MDGA2: variants seen among roughly 807,000 people sequenced by gnomAD.
MDGA2 encodes MAM domain-containing glycosylphosphatidylinositol anchor protein 2.
In MDGA2, 40 loss-of-function variants were observed where a neutral mutation model predicts 117.8. The observed-to-expected ratio is 0.34, with a 90% CI of 0.26 to 0.44. The LOEUF (loss-of-function observed/expected upper bound fraction) is 0.44. Among genes scored for constraint, MDGA2 ranks in the 20% least tolerant of loss-of-function variants. The pLI, the probability that MDGA2 is intolerant of heterozygous loss-of-function variation, is 1.00. For missense variants in MDGA2, 1,123 were observed against 1,250.6 expected (o/e 0.90, Z 1.54); for synonymous variants, 452 against 439.0 (o/e 1.03, Z -0.37).
rs145926281 is a variant in MDGA2 at position 47,451,663 on chromosome 14, T to C, written c.281-150113A>G. ...TAGTCACAAGATTTCTCTGTGCATC[T>C]TTGTTAACTACATAGGGATAACAGT... On this transcript the variant is annotated intron_variant, in intron 1 of 16. Transcript: ENST00000399232. Among the ~76,000 whole-genome samples the C allele has an allele frequency of 1.9e-3, 290 of 152,242 alleles. 10 individuals carry two copies. In the East Asian group the frequency reaches 0.047, roughly 25 times the overall value.
intron 8 of MDGA2, among the ~76,000 whole-genome samples, chr14:46,958,473 A>AT (rs1291084153): frequency 2.0e-5 from 3 of 152,256 alleles, no homozygotes; most frequent in Admixed American, 6.5e-5. Flanking sequence ...TGATCAAATA[A>AT]TTTTTTTCTT....
At chr14:47,087,770 G>A (rs1890957854) in intron 6 of MDGA2, among the ~76,000 whole-genome samples, 1 of 143,182 alleles carries the variant, frequency 7.0e-6, no homozygotes, top group Non-Finnish European at 1.5e-5. Context: ...AGTATTCATT[G>A]TCTTGGCACT....
intron 2 of MDGA2, among the ~76,000 whole-genome samples, chr14:47,283,329 A>C (rs1888564689): frequency 6.6e-6 from 1 of 152,206 alleles, no homozygotes; most frequent in African/African-American, 2.4e-5. Flanking sequence ...AAGGGATAGC[A>C]TGAATACTGG....
chr14:47,609,332 T>C lies in MDGA2; in HGVS notation c.280+65185A>G, dbSNP rs1475941880. Among the ~76,000 whole-genome samples the C allele has an allele frequency of 2.0e-5, 3 of 148,236 alleles. No individual in the cohort carries two copies. In the South Asian group the frequency reaches 6.5e-4, roughly 32 times the overall value. ...CATACAATGTTTGGTTTTCCATTCCTGAGTTACTTCACATAGAATAATAGT... is the reference window on the plus strand; with the variant it reads ...CATACAATGTTTGGTTTTCCATTCCCGAGTTACTTCACATAGAATAATAGT... On this transcript the variant is annotated intron_variant, in intron 1 of 16. Transcript: ENST00000399232.
chr14:47,487,463 A>T (rs1894084355), intron 1 of MDGA2, among the ~76,000 whole-genome samples: 1 of 152,248 alleles, frequency 6.6e-6, no homozygotes, highest in Non-Finnish European at 1.5e-5. Flanking sequence ...GTATGAGTTG[A>T]ATGAAATAAA....
At chr14:47,353,911 T>C (rs984478730) in intron 1 of MDGA2, among the ~76,000 whole-genome samples, 2 of 152,142 alleles carry the variant, frequency 1.3e-5, no homozygotes, top group East Asian at 3.9e-4. Context: ...CTCAACAGAA[T>C]ACTAGCAAAT....
rs1342365164 is a variant in MDGA2, at chr14:47,054,268, T to C, written c.1525+6981A>G. On this transcript the variant is annotated intron_variant, in intron 7 of 16. Transcript: ENST00000399232. ...TGGTGGAGAGATAAGAAATCTAACA[T>C]GCAAAGAGGTTAACTGACTTCTCAG... Among the ~76,000 whole-genome samples, 3 of 151,988 alleles carry C rather than the reference T, an allele frequency of 2.0e-5. No individual in the cohort carries two copies. In the Admixed American group the frequency reaches 2.0e-4, roughly 10 times the overall value.
chr14:47,152,093 A>T (rs1196112764), intron 3 of MDGA2, among the ~76,000 whole-genome samples: 1 of 152,180 alleles, frequency 6.6e-6, no homozygotes, highest in Non-Finnish European at 1.5e-5. Context: ...GATTAAAGTC[A>T]GTTTAAGAAA....
chr14:47,301,203 A>G (rs988032394), intron 2 of MDGA2, among the ~76,000 whole-genome samples: 3 of 151,846 alleles, frequency 2.0e-5, no homozygotes, highest in African/African-American at 7.3e-5. Flanking sequence ...ACAAAAGAAT[A>G]GCTCAAGTTT....
Position 46,986,012 on chromosome 14 carries a change from A to AT in MDGA2, c.1820-28370dup, listed in dbSNP as rs11419292. Among the ~76,000 whole-genome samples the AT allele has an allele frequency of 7.1e-3, 1,076 of 152,178 alleles. 11 individuals are homozygous for AT. The highest frequency in any genetic ancestry group is 0.024 in the African/African-American group (983 of 41,554). ...GAATGTGATTCAGCAAGAGGCAAAC[A>AT]TAAGGAGTGTTATCTTTGCCTACCA... is the stretch of plus-strand genomic sequence containing the variant. On this transcript the variant is annotated intron_variant, in intron 8 of 16. Transcript: ENST00000399232.
chr14:47,394,744 CAAATT>C (rs1199622129), intron 1 of MDGA2, among the ~76,000 whole-genome samples: 1 of 152,028 alleles, frequency 6.6e-6, no homozygotes, highest in African/African-American at 2.4e-5. Context: ...CATAAAGTGT[CAAATT>C]AAAACAAAAA....
intron 9 of MDGA2, among the ~76,000 whole-genome samples, chr14:46,946,113 A>G (rs1160412113): frequency 1.3e-5 from 2 of 152,072 alleles, no homozygotes; most frequent in Non-Finnish European, 2.9e-5. Flanking sequence ...ACTCTAAATG[A>G]TGTTTTAATT....
At chr14:47,393,500 T>C (rs1459997216) in intron 1 of MDGA2, among the ~76,000 whole-genome samples, 1 of 152,138 alleles carries the variant, frequency 6.6e-6, no homozygotes, top group African/African-American at 2.4e-5. Flanking sequence ...TTCTTTTAAA[T>C]TGTGGGTATA....
rs148967551 is a variant in MDGA2, at chr14:47,159,531, C to T, written c.596-15257G>A. ...GAACCTGGTTTGTAACTAGTTGTAT[C>T]GAATTTTGCCTGATTGCTTTCCAAA... On this transcript the variant is annotated intron_variant, in intron 3 of 16. Transcript: ENST00000399232. Among the ~76,000 whole-genome samples, 702 of 152,226 alleles carry T rather than the reference C, an allele frequency of 4.6e-3. 5 individuals carry two copies. The highest frequency in any genetic ancestry group is 0.016 in the African/African-American group (674 of 41,524).
intron 3 of MDGA2, among the ~76,000 whole-genome samples, chr14:47,190,961 C>G (rs1885086686): frequency 6.6e-6 from 1 of 152,060 alleles, no homozygotes; most frequent in African/African-American, 2.4e-5. Context: ...TATATAAGCT[C>G]ACTTTTTCGG....
intron 1 of MDGA2, among the ~76,000 whole-genome samples, chr14:47,665,129 C>A (rs1192290182): frequency 3.3e-5 from 5 of 152,046 alleles, no homozygotes; most frequent in African/African-American, 1.2e-4. Flanking sequence ...CACCTAGAAC[C>A]CACACAATAG....
chr14:47,311,116 A>C (rs1051853798), intron 1 of MDGA2, among the ~76,000 whole-genome samples: 2 of 152,102 alleles, frequency 1.3e-5, no homozygotes, highest in Non-Finnish European at 2.9e-5. Flanking sequence ...CATCATTTTT[A>C]ATCTCTGTAG....
chr14:47,522,047 T>G (rs1274352885), intron 1 of MDGA2, among the ~76,000 whole-genome samples: 1 of 152,114 alleles, frequency 6.6e-6, no homozygotes, highest in Non-Finnish European at 1.5e-5. Context: ...CTTAATATAT[T>G]AAGCCCCTGA....
intron 3 of MDGA2, among the ~76,000 whole-genome samples, chr14:47,202,126 T>C (rs914573543): frequency 6.6e-6 from 1 of 152,228 alleles, no homozygotes; most frequent in African/African-American, 2.4e-5. Context: ...GTTCTTACCA[T>C]GTCATTCATC....
Sources: gnomAD v4.1 joint callset for allele counts (sites outside exome capture counted in the v4.1 genomes callset) on GRCh38, gnomAD v4.1.1 for gene constraint, MANE v1.5 for transcripts, NCBI Gene and HGNC (gene_info 2026-07-23, HGNC 2026-07-21) for gene names.